Variants in LRRC7 observed in about 807,000 individuals in gnomAD.
LRRC7 encodes the protein leucine-rich repeat-containing protein 7.
In LRRC7, 23 loss-of-function variants were observed where a neutral mutation model predicts 175.7. The ratio of observed to expected loss-of-function variants is 0.13; its 90% CI spans 0.09 to 0.19. The LOEUF is 0.19. Ranked by LOEUF, LRRC7 falls within the 10% of genes least tolerant of loss-of-function variation. The probability of loss-of-function intolerance (pLI) is 1.00; values close to 1 mark genes in which losing one functional copy is unlikely to be tolerated. For synonymous variants in LRRC7, 685 were observed against 680.9 expected (o/e 1.01, Z -0.09); for missense variants, 1,354 against 1,904.7 (o/e 0.71, Z 5.38).
chr1:69,813,630 A>T (rs974044340), intron 4 of LRRC7, among the ~76,000 whole-genome samples: 4 of 152,354 alleles, frequency 2.6e-5, no homozygotes, highest in African/African-American at 9.6e-5. Flanking sequence ...CCTATAAAAC[A>T]TAATGCTTCC....
intron 2 of LRRC7, among the ~76,000 whole-genome samples, chr1:69,753,501 G>A (rs971699870): frequency 5.3e-5 from 8 of 151,930 alleles, no homozygotes; most frequent in Admixed American, 1.3e-4. Flanking sequence ...GCACATCATA[G>A]ACTCACTAAA....
At chr1:69,848,211 T>C (rs1302405247) in intron 7 of LRRC7, among the ~76,000 whole-genome samples, 1 of 152,108 alleles carries the variant, frequency 6.6e-6, no homozygotes, top group Non-Finnish European at 1.5e-5. Context: ...CTCAGAAATA[T>C]AATAAGCTTA....
rs948522822 is a variant in LRRC7 at position 69,747,509 on chromosome 1, G to A, written c.101-12682G>A. 2.0e-5 allele frequency among the ~76,000 whole-genome samples: 3 copies of A among 152,054 alleles called. No homozygotes were observed. The East Asian group carries it at 5.8e-4, about 29-fold the overall frequency. On this transcript the variant is annotated intron_variant, in intron 2 of 26. Coordinates refer to ENST00000651989, the MANE Select transcript of LRRC7 (RefSeq NM_001370785.2). ...AGAGTGGAATTTTAGAAACAACTAC[G>A]CTGGTAGCACTGTGGTTTCTTTTGA...
At chr1:70,054,895 T>C (rs964459085) in intron 23 of LRRC7, among the ~76,000 whole-genome samples, 3 of 152,050 alleles carry the variant, frequency 2.0e-5, no homozygotes, top group African/African-American at 7.2e-5. Context: ...CGGCCTACAC[T>C]CTACTTTCTA....
chr1:69,775,184 C>T (rs894005049), intron 3 of LRRC7, among the ~76,000 whole-genome samples: 6 of 151,822 alleles, frequency 4.0e-5, no homozygotes, highest in South Asian at 2.1e-4. Context: ...ATGTCCAGGG[C>T]GCAAGTATAT....
At chr1:69,936,200 T>C (rs944114458) in intron 8 of LRRC7, among the ~76,000 whole-genome samples, 3 of 152,192 alleles carry the variant, frequency 2.0e-5, no homozygotes, top group African/African-American at 7.2e-5. Flanking sequence ...ATAGGGCAAG[T>C]GTCTCAAACT....
chr1:69,733,186 G>A (rs766540833), intron 2 of LRRC7, among the ~76,000 whole-genome samples: 6 of 151,990 alleles, frequency 3.9e-5, no homozygotes, highest in Non-Finnish European at 7.4e-5. Flanking sequence ...CTACTTAATG[G>A]CAGAATTGAG....
chr1:70,099,680 T>A (rs1465121671), intron 25 of LRRC7, among the ~76,000 whole-genome samples: 1 of 152,122 alleles, frequency 6.6e-6, no homozygotes, highest in Admixed American at 6.6e-5. Flanking sequence ...AACCTGATTA[T>A]CAATACTATT....
At chr1:69,716,929 C>T (rs569566386) in intron 2 of LRRC7, among the ~76,000 whole-genome samples, 17 of 151,564 alleles carry the variant, frequency 1.1e-4, no homozygotes, top group African/African-American at 4.1e-4. Flanking sequence ...AAATGTATCT[C>T]GAAAATTGTA....
rs562776952 is a variant in LRRC7 at position 69,751,746 on chromosome 1, G to A, written c.101-8445G>A. On this transcript the variant is annotated intron_variant, in intron 2 of 26. Transcript: ENST00000651989. ...GAAGTCAGGAGACGAAAATTCCTGT[G>A]AAGACCATGTAGAGAAAGAACAGAA... Among the ~76,000 whole-genome samples, 6 of 152,270 alleles carry A rather than the reference G, an allele frequency of 3.9e-5. No individual in the cohort carries two copies. In the South Asian group the frequency reaches 6.2e-4, roughly 16 times the overall value.
At chr1:69,635,673 A>G (rs571083340) in intron 1 of LRRC7, among the ~76,000 whole-genome samples, 2 of 152,224 alleles carry the variant, frequency 1.3e-5, no homozygotes, top group East Asian at 3.9e-4. Context: ...CGGATTTTAA[A>G]AATAATAACA....
intron 1 of LRRC7, among the ~76,000 whole-genome samples, chr1:69,658,419 T>G (rs1457029784): frequency 6.6e-6 from 1 of 151,964 alleles, no homozygotes; most frequent in African/African-American, 2.4e-5. Context: ...ACAAGCGATA[T>G]ATTTTTAAGT....
chr1:70,070,186 C>T (rs1362563015), intron 23 of LRRC7, among the ~76,000 whole-genome samples: 2 of 151,904 alleles, frequency 1.3e-5, no homozygotes, highest in Non-Finnish European at 2.9e-5. Flanking sequence ...AAAAAGACAG[C>T]GTTTCGCCGT....
chr1:69,714,117 C>A (rs918190129), intron 2 of LRRC7, among the ~76,000 whole-genome samples: 5 of 152,128 alleles, frequency 3.3e-5, no homozygotes, highest in Non-Finnish European at 7.3e-5. Flanking sequence ...GGCCTTCCCT[C>A]TTCCCGGAAT....
intron 1 of LRRC7, among the ~76,000 whole-genome samples, chr1:69,622,222 C>T (rs567892676): frequency 6.6e-6 from 1 of 152,172 alleles, no homozygotes; most frequent in Non-Finnish European, 1.5e-5. Context: ...ATTTTAACAT[C>T]GTAAAGAAAG....
At position 70,039,343 on chromosome 1, in the gene LRRC7, T is replaced by C. The variant is rs761587967; in HGVS notation, c.3519T>C (p.His1173=). ...MAMFRRVNEP[H]ELPPTDRYGR... ...TGTTTAGAAGGGTCAATGAGCCTCA[T>C]GAGCTGCCCCCAACTGATAGGTACG... is the stretch of plus-strand genomic sequence containing the variant. The change falls in exon 21 of 27, where the codon CAT becomes CAC. Residue 1173 remains histidine, a synonymous_variant. Transcript: ENST00000651989. 42 of 1,613,944 alleles carry C rather than the reference T, an allele frequency of 2.6e-5. No individual in the cohort carries two copies. The highest frequency in any genetic ancestry group is 1.4e-4 in the South Asian group (13 of 91,084).
intron 1 of LRRC7, among the ~76,000 whole-genome samples, chr1:69,614,296 G>A (rs1416164540): frequency 6.6e-6 from 1 of 152,126 alleles, no homozygotes. Flanking sequence ...CCTCTCCTCA[G>A]ATTTTGTTGT....
rs1489936917 is a variant in LRRC7 at position 70,137,702 on chromosome 1, G to A, written c.*15815G>A. On this transcript the variant is annotated 3_prime_UTR_variant, in exon 27 of 27. Transcript: ENST00000651989. Reference sequence around the variant, plus strand: ...TATGCAGACATAGATCAAGTCTCATGCATGTCATTTAGACAGACAGCTGAA... The same window carrying A: ...TATGCAGACATAGATCAAGTCTCATACATGTCATTTAGACAGACAGCTGAA... 3.3e-5 allele frequency among the ~76,000 whole-genome samples: 5 copies of A among 152,352 alleles called. No homozygotes were observed. In the East Asian group the frequency reaches 5.8e-4, roughly 18 times the overall value.
chr1:69,888,567 C>T (rs1645729187), intron 7 of LRRC7, among the ~76,000 whole-genome samples: 1 of 152,172 alleles, frequency 6.6e-6, no homozygotes, highest in African/African-American at 2.4e-5. Flanking sequence ...ATGCAGAAAT[C>T]ACCCGTCTTC....
Sources: gnomAD v4.1 joint callset for allele counts (sites outside exome capture counted in the v4.1 genomes callset) on GRCh38, gnomAD v4.1.1 for gene constraint, MANE v1.5 for transcripts, NCBI Gene and HGNC (gene_info 2026-07-23, HGNC 2026-07-21) for gene names.